The following ADK variants were observed in gnomAD, a reference collection of about 807,000 sequenced individuals.
ADK encodes N6,N6-dimethyladenosine kinase.
In ADK, 24 loss-of-function variants were observed where a neutral mutation model predicts 44.7. That is an observed-to-expected ratio of 0.54 (90% CI 0.39 to 0.76). The LOEUF (loss-of-function observed/expected upper bound fraction) is 0.76, where lower values mean the gene tolerates loss of function less well. Ranked by LOEUF, ADK falls within the 30% of genes least tolerant of loss-of-function variation. The pLI is 0.00. For missense variants in ADK, 321 were observed against 425.1 expected, an observed-to-expected ratio of 0.76 and a Z score of 2.15; for synonymous variants, 128 against 142.6, an observed-to-expected ratio of 0.90 and a Z score of 0.73.
chr10:74,665,758 A>ATT, intron 9 of ADK, among the ~76,000 whole-genome samples: 1 of 150,910 alleles, frequency 6.6e-6, no homozygotes, highest in Non-Finnish European at 1.5e-5. Context: ...AGAGAGAGAG[A>ATT]GAGAGAGAGA....
intron 6 of ADK, among the ~76,000 whole-genome samples, chr10:74,518,927 A>G (rs376389954): frequency 2.0e-5 from 3 of 152,072 alleles, no homozygotes; most frequent in Admixed American, 1.3e-4. Context: ...AGCATTTTCT[A>G]CTTTACTACT....
At chr10:74,501,031 GA>G in intron 6 of ADK, among the ~76,000 whole-genome samples, 1 of 152,252 alleles carries the variant, frequency 6.6e-6, no homozygotes, top group East Asian at 1.9e-4. Context: ...CACTCTGAAG[GA>G]TATAAACAAT....
intron 1 of ADK, among the ~76,000 whole-genome samples, chr10:74,162,884 C>T (rs1379586362): frequency 1.3e-5 from 2 of 151,814 alleles, no homozygotes; most frequent in East Asian, 1.9e-4. Context: ...ATAGTGAGCT[C>T]GATTATAATA....
chr10:74,382,686 A>G (rs1843012024), intron 4 of ADK, among the ~76,000 whole-genome samples: 2 of 152,088 alleles, frequency 1.3e-5, no homozygotes, highest in Admixed American at 6.5e-5. Flanking sequence ...AAGATACAGT[A>G]TTTTAAAATT....
At chr10:74,462,111 G>A (rs894373859) in intron 6 of ADK, among the ~76,000 whole-genome samples, 45 of 152,032 alleles carry the variant, frequency 3.0e-4, no homozygotes, top group Admixed American at 3.3e-4. Context: ...CAGTCTTTTT[G>A]TATGTCTTTC....
At chr10:74,580,863 G>A (rs1333790194) in intron 7 of ADK, among the ~76,000 whole-genome samples, 2 of 152,032 alleles carry the variant, frequency 1.3e-5, no homozygotes, top group South Asian at 2.1e-4. Context: ...CCTGAGAAAG[G>A]CATTGTTAAA....
intron 6 of ADK, among the ~76,000 whole-genome samples, chr10:74,494,387 G>A (rs948733816): frequency 7.9e-5 from 12 of 152,012 alleles, no homozygotes; most frequent in African/African-American, 2.4e-4. Context: ...TCAGTTTTCA[G>A]CATAAATAAT....
chr10:74,281,267 T>G (rs142947880), intron 3 of ADK, among the ~76,000 whole-genome samples: 75 of 152,376 alleles, frequency 4.9e-4, no homozygotes, highest in Non-Finnish European at 7.9e-4. Context: ...TATGGGAAGT[T>G]GAGTTCTTCT....
At chr10:74,696,635 A>G (rs1192753804) in intron 10 of ADK, among the ~76,000 whole-genome samples, 1 of 151,830 alleles carries the variant, frequency 6.6e-6, no homozygotes, top group Non-Finnish European at 1.5e-5. Flanking sequence ...CTCCCAAAGC[A>G]CTGGGATTAC....
chr10:74,401,968 G>A (rs948832706), intron 6 of ADK, among the ~76,000 whole-genome samples: 6 of 152,178 alleles, frequency 3.9e-5, no homozygotes, highest in African/African-American at 1.4e-4. Flanking sequence ...TTGCTTGTCT[G>A]TAAAGGATTT....
chr10:74,342,816 T>TGTGTGTGTGTG (rs56148690), intron 4 of ADK, among the ~76,000 whole-genome samples: 10 of 151,746 alleles, frequency 6.6e-5, no homozygotes, highest in South Asian at 2.1e-4. Context: ...TGTGTGTGTG[T>TGTGTGTGTGTG]TTTAATATTG....
At chr10:74,520,316 GTCT>G (rs754434479) in intron 6 of ADK, among the ~76,000 whole-genome samples, 29 of 151,054 alleles carry the variant, frequency 1.9e-4, no homozygotes, top group Non-Finnish European at 1.3e-4. Context: ...TAAAAACAAA[GTCT>G]TTTTTTTTTC....
intron 6 of ADK, among the ~76,000 whole-genome samples, chr10:74,513,106 A>G (rs187183957): frequency 7.2e-5 from 11 of 152,110 alleles, no homozygotes; most frequent in African/African-American, 2.4e-4. Flanking sequence ...AGTTTACGCC[A>G]TTGTGTTCAG....
At chr10:74,407,547 A>G (rs1166278130) in intron 6 of ADK, among the ~76,000 whole-genome samples, 3 of 152,006 alleles carry the variant, frequency 2.0e-5, no homozygotes, top group Non-Finnish European at 2.9e-5. Flanking sequence ...CTGGGTATTC[A>G]TTGTTTCCTC....
At chr10:74,208,733 T>A (rs1367610875) in intron 2 of ADK, among the ~76,000 whole-genome samples, 1 of 151,796 alleles carries the variant, frequency 6.6e-6, no homozygotes, top group Non-Finnish European at 1.5e-5. Flanking sequence ...TTTATTTTTT[T>A]ATTTTTTTAT....
At chr10:74,361,928 C>G (rs1018879082) in intron 4 of ADK, among the ~76,000 whole-genome samples, 8 of 152,184 alleles carry the variant, frequency 5.3e-5, no homozygotes, top group African/African-American at 1.4e-4. Context: ...AAGTCTGCTA[C>G]CAGGCATATT....
intron 1 of ADK, among the ~76,000 whole-genome samples, chr10:74,200,345 A>G (rs1843330539): frequency 6.6e-6 from 1 of 151,768 alleles, no homozygotes; most frequent in African/African-American, 2.4e-5. Flanking sequence ...TTAGCCAGGC[A>G]TGGTGGCAGG....
chr10:74,552,318 C>T (rs1041901484), intron 7 of ADK, among the ~76,000 whole-genome samples: 2 of 152,122 alleles, frequency 1.3e-5, no homozygotes, highest in East Asian at 3.8e-4. Flanking sequence ...CCACTGCTGT[C>T]AGCACTTATT....
chr10:74,212,656 T>C (rs1392218264), intron 2 of ADK, among the ~76,000 whole-genome samples: 3 of 152,218 alleles, frequency 2.0e-5, no homozygotes, highest in Non-Finnish European at 4.4e-5. Flanking sequence ...GCCTCTATTA[T>C]TGGCAATGGA....
Sources: allele counts gnomAD v4.1 joint callset (sites outside exome capture counted in the v4.1 genomes callset), GRCh38; gene constraint gnomAD v4.1.1; transcripts MANE v1.5; gene names NCBI Gene and HGNC (gene_info 2026-07-23, HGNC 2026-07-21).